Variants in ZNF292 observed in about 807,000 individuals in gnomAD.
ZNF292 encodes zinc finger protein 292.
In ZNF292, 26 loss-of-function variants were observed where a neutral mutation model predicts 217.9. The observed-to-expected ratio is 0.12, with a 90% CI of 0.09 to 0.17. The LOEUF (loss-of-function observed/expected upper bound fraction) is 0.17. ZNF292 is among the 10% of genes least tolerant of loss of function. The probability of loss-of-function intolerance (pLI) is 1.00; values close to 1 mark genes in which losing one functional copy is unlikely to be tolerated. For missense variants in ZNF292, 2,904 were observed against 3,175.2 expected (o/e 0.91, Z 2.05); for synonymous variants, 1,257 against 1,124.1 (o/e 1.12, Z -2.37).
Position 87,259,997 on chromosome 6 carries a change from C to T in ZNF292, c.6368C>T (p.Ala2123Val). 6.2e-7 allele frequency: 1 copy of T among 1,613,582 alleles called. No homozygotes were observed. Among genetic ancestry groups the T allele is most frequent in the Non-Finnish European group, 8.5e-7 (1 of 1,179,662 alleles). Residue 2123 changes from alanine (A) to valine (V), a missense_variant, in exon 8 of 8, where the codon GCT becomes GTT. This residue lies in a region of ZNF292 where 261 missense variants were observed against 272.8 expected (regional missense o/e 0.96). Coordinates refer to ENST00000369577, the MANE Select transcript of ZNF292 (RefSeq NM_015021.3). ...CGATGTGTTCACCAGGGATGCTTTGCTGCCTTTACGATACAGCAAAACTTG... is the reference window on the plus strand; with the variant it reads ...CGATGTGTTCACCAGGGATGCTTTGTTGCCTTTACGATACAGCAAAACTTG... ...PYRCVHQGCF[A>V]AFTIQQNLIL...
intron 7 of ZNF292, among the ~76,000 whole-genome samples, chr6:87,252,140 G>T (rs1057107776): frequency 6.8e-6 from 1 of 147,548 alleles, no homozygotes; most frequent in Non-Finnish European, 1.5e-5. Flanking sequence ...TTTGTTGTTT[G>T]TTTTTTTTTT....
rs889371954 is a variant in ZNF292 at position 87,240,568 on chromosome 6, C to T, written c.742-2907C>T. On this transcript the variant is annotated intron_variant, in intron 5 of 7. Coordinates refer to ENST00000369577, the MANE Select transcript of ZNF292 (RefSeq NM_015021.3). Reference sequence around the variant, plus strand: ...TTCCAAGTAGCTGGGATTACAGGCACCTGCTACCATGCCTGGCTAATTTTG... The same window carrying T: ...TTCCAAGTAGCTGGGATTACAGGCATCTGCTACCATGCCTGGCTAATTTTG... Among the ~76,000 whole-genome samples the T allele has an allele frequency of 6.6e-5, 10 of 152,162 alleles. No individual in the cohort carries two copies. In the East Asian group the frequency reaches 1.7e-3, roughly 27 times the overall value.
intron 1 of ZNF292, among the ~76,000 whole-genome samples, chr6:87,177,353 C>T (rs987406100): frequency 6.6e-6 from 1 of 151,742 alleles, no homozygotes. Context: ...GTTTTGAATC[C>T]TTCAGTCATT....
At chr6:87,202,373 A>G (rs1430783121) in intron 1 of ZNF292, among the ~76,000 whole-genome samples, 5 of 152,176 alleles carry the variant, frequency 3.3e-5, no homozygotes, top group African/African-American at 7.2e-5. Flanking sequence ...ATAGAATTGC[A>G]GTTGATTTTG....
intron 7 of ZNF292, among the ~76,000 whole-genome samples, chr6:87,247,244 C>T (rs746640424): frequency 2.7e-5 from 4 of 148,624 alleles, no homozygotes; most frequent in South Asian, 2.1e-4. Flanking sequence ...ACAACCACCC[C>T]CTCACCACCG....
In ZNF292 at chr6:87,264,361, A is replaced by C. The variant is rs1318177665; in HGVS notation, c.*2560A>C. 6.6e-6 allele frequency among the ~76,000 whole-genome samples: 1 copy of C among 152,220 alleles called. No individual in the cohort carries two copies. The highest frequency in any genetic ancestry group is 1.9e-4 in the East Asian group (1 of 5,196). Reference sequence around the variant, plus strand: ...TACATCACCTTAAGTGAAATGTAACAGTTTTTGAAATTTTCAACGGTGTTA... The same window carrying C: ...TACATCACCTTAAGTGAAATGTAACCGTTTTTGAAATTTTCAACGGTGTTA... On this transcript the variant is annotated 3_prime_UTR_variant, in exon 8 of 8. Transcript: ENST00000369577.
intron 6 of ZNF292, among the ~76,000 whole-genome samples, chr6:87,245,196 C>A (rs550311233): frequency 1.3e-5 from 2 of 151,754 alleles, no homozygotes; most frequent in African/African-American, 2.4e-5. Context: ...GCCGAGATTG[C>A]GTCACTGCAC....
At chr6:87,225,291 TTTC>T (rs2127813715) in intron 4 of ZNF292, among the ~76,000 whole-genome samples, 1 of 152,320 alleles carries the variant, frequency 6.6e-6, no homozygotes, top group South Asian at 2.1e-4. Context: ...TTGCAAATCT[TTTC>T]TTTCCCTCTT....
intron 4 of ZNF292, among the ~76,000 whole-genome samples, chr6:87,228,847 A>C (rs1163915218): frequency 6.6e-6 from 1 of 152,180 alleles, no homozygotes; most frequent in Non-Finnish European, 1.5e-5. Flanking sequence ...ATACATCTCA[A>C]ATCAGGAAGT....
chr6:87,251,574 A>C (rs574886526), intron 7 of ZNF292, among the ~76,000 whole-genome samples: 1 of 152,234 alleles, frequency 6.6e-6, no homozygotes, highest in Non-Finnish European at 1.5e-5. Context: ...TGACTCATCA[A>C]TTTAAGCTTG....
At chr6:87,168,450 A>G (rs1433480856) in intron 1 of ZNF292, among the ~76,000 whole-genome samples, 1 of 152,190 alleles carries the variant, frequency 6.6e-6, no homozygotes, top group African/African-American at 2.4e-5. Flanking sequence ...CCTGATATAT[A>G]GGAGGTGATG....
At chr6:87,177,311 G>A (rs1359564610) in intron 1 of ZNF292, among the ~76,000 whole-genome samples, 1 of 148,768 alleles carries the variant, frequency 6.7e-6, no homozygotes, top group African/African-American at 2.5e-5. Flanking sequence ...TGGGTGACAA[G>A]CGAAACTCCA....
In ZNF292 at chr6:87,218,748, C is replaced by CA; in HGVS notation, c.538+18dup. ...AGGATAAAGGTAAATTTTCGAGAGA[C>CA]AGAGAAAAAAAAGAATAATTAGACT... On this transcript the variant is annotated intron_variant, in intron 4 of 7. Coordinates refer to ENST00000369577, the MANE Select transcript of ZNF292 (RefSeq NM_015021.3). The CA allele has an allele frequency of 6.5e-7, 1 of 1,549,332 alleles. No individual in the cohort carries two copies. The highest frequency in any genetic ancestry group is 8.7e-7 in the Non-Finnish European group (1 of 1,155,670).
At chr6:87,228,159 T>C (rs551329730) in intron 4 of ZNF292, among the ~76,000 whole-genome samples, 2 of 152,328 alleles carry the variant, frequency 1.3e-5, no homozygotes, top group South Asian at 4.1e-4. Context: ...GATATCTCAT[T>C]GTGATTTTCA....
chr6:87,233,673 C>G (rs1454983086), intron 5 of ZNF292, 146 bp downstream of exon 5: 1 of 1,409,204 alleles, frequency 7.1e-7, no homozygotes, highest in African/African-American at 1.5e-5. Flanking sequence ...GTGGTGGCAA[C>G]TTGATTCTAA....
chr6:87,231,852 A>G (rs991288986), intron 4 of ZNF292, among the ~76,000 whole-genome samples: 1 of 152,144 alleles, frequency 6.6e-6, no homozygotes. Context: ...TCCTTTGGAG[A>G]AAATTGTTGA....
intron 1 of ZNF292, among the ~76,000 whole-genome samples, chr6:87,174,862 C>CTAATT (rs1562123323): frequency 6.6e-6 from 1 of 152,150 alleles, no homozygotes; most frequent in Non-Finnish European, 1.5e-5. Flanking sequence ...TGCAAATATA[C>CTAATT]TCAGTGCTAA....
At chr6:87,239,335 T>C in intron 5 of ZNF292, among the ~76,000 whole-genome samples, 1 of 146,896 alleles carries the variant, frequency 6.8e-6, no homozygotes, top group African/African-American at 2.5e-5. Flanking sequence ...ACGGGGCGGC[T>C]GGCCAGGCGG....
chr6:87,226,408 GGA>G (rs1202551098), intron 4 of ZNF292, among the ~76,000 whole-genome samples: 1 of 151,920 alleles, frequency 6.6e-6, no homozygotes, highest in Non-Finnish European at 1.5e-5. Flanking sequence ...TATTTTAGCA[GGA>G]GAGGGGATGG....
Sources: allele counts gnomAD v4.1 joint callset (sites outside exome capture counted in the v4.1 genomes callset), GRCh38; gene constraint gnomAD v4.1.1; regional missense constraint gnomAD v4.1.1; transcripts MANE v1.5; gene names NCBI Gene and HGNC (gene_info 2026-07-23, HGNC 2026-07-21).